CHST11: variants seen among roughly 807,000 people sequenced by gnomAD.
CHST11 encodes the protein C4S-1.
A neutral mutation model predicts 30.4 loss-of-function variants in CHST11; 9 were observed. That is an observed-to-expected ratio of 0.30 (90% CI 0.18 to 0.52). CHST11 has a LOEUF of 0.52. Among genes scored for constraint, CHST11 ranks in the 20% least tolerant of loss-of-function variants. The pLI is 0.97. For missense variants in CHST11, 348 were observed against 460.6 expected, an observed-to-expected ratio of 0.76 and a Z score of 2.24; for synonymous variants, 152 against 187.8, an observed-to-expected ratio of 0.81 and a Z score of 1.56.
chr12:104,553,209 G>A (rs766331593), intron 1 of CHST11: 1 of 152,352 alleles, frequency 6.6e-6, no homozygotes, highest in Non-Finnish European at 1.5e-5. Flanking sequence ...TGTTAGTTGT[G>A]ATGAAGAGGA....
chr12:104,462,644 T>G (rs536528403), intron 1 of CHST11, among the ~76,000 whole-genome samples: 52 of 152,294 alleles, frequency 3.4e-4, no homozygotes, highest in African/African-American at 1.2e-3. Context: ...GTTATACACC[T>G]GAAACTTCCA....
chr12:104,757,643 A>C lies in CHST11; in HGVS notation c.899A>C (p.Lys300Thr). 1.7e-5 allele frequency: 28 copies of C among 1,614,174 alleles called. No individual in the cohort carries two copies. The highest frequency in any genetic ancestry group is 2.4e-5 in the Non-Finnish European group (28 of 1,180,022). Reference sequence around the variant, plus strand: ...CTGGCAGGAGTGGGCAGCTACCTGAAGTTCCCCACCTATGCAAAGTCTACG... The same window carrying C: ...CTGGCAGGAGTGGGCAGCTACCTGACGTTCCCCACCTATGCAAAGTCTACG... ...LQLAGVGSYL[K>T]FPTYAKSTRT... is the part of the protein sequence containing the mutation. Residue 300 changes from lysine to threonine, a missense_variant, in exon 3 of 3, where the codon AAG becomes ACG. Physicochemically the swap from Lys to Thr is moderately conservative, Grantham distance 78. This residue lies in a region of CHST11 where 210 missense variants were observed against 287.2 expected (regional missense o/e 0.73). Coordinates refer to ENST00000303694, the MANE Select transcript of CHST11 (RefSeq NM_018413.6). This position sits in a 1 kb window ranked among gnomAD's most constrained non-coding sequence, Gnocchi z 6.5.
rs191657442 is a variant in CHST11, at chr12:104,540,744, A to T, written c.119-61162A>T. 5.3e-3 allele frequency among the ~76,000 whole-genome samples: 811 copies of T among 152,218 alleles called. 2 individuals are homozygous for T. Among genetic ancestry groups the T allele is most frequent in the Admixed American group, 8.8e-3 (134 of 15,304 alleles). ...AGCCACGGCTCCAATCTCTCTAATTACAAAATTAATGAGGGCTGGAGGCAA... is the reference window on the plus strand; with the variant it reads ...AGCCACGGCTCCAATCTCTCTAATTTCAAAATTAATGAGGGCTGGAGGCAA... On this transcript the variant is annotated intron_variant, in intron 1 of 2. Transcript: ENST00000303694.
chr12:104,564,040 C>T (rs1277380595), intron 1 of CHST11, among the ~76,000 whole-genome samples: 1 of 152,044 alleles, frequency 6.6e-6, no homozygotes, highest in African/African-American at 2.4e-5. Flanking sequence ...CCAGGAGCAT[C>T]GAGGATCAGG....
chr12:104,556,312 G>T (rs943982499), intron 1 of CHST11, among the ~76,000 whole-genome samples: 3 of 152,096 alleles, frequency 2.0e-5, no homozygotes, highest in Admixed American at 6.5e-5. Context: ...CCTTTTCCCA[G>T]CTAAGAGATT....
At chr12:104,482,677 C>A (rs77616821) in intron 1 of CHST11, among the ~76,000 whole-genome samples, 1 of 152,140 alleles carries the variant, frequency 6.6e-6, no homozygotes, top group South Asian at 2.1e-4. Context: ...CGGAGCTTCA[C>A]ACACATTGCC....
intron 2 of CHST11, among the ~76,000 whole-genome samples, chr12:104,738,321 T>C (rs2040318335): frequency 6.6e-6 from 1 of 152,122 alleles, no homozygotes; most frequent in Non-Finnish European, 1.5e-5. Flanking sequence ...GCACTCCCTG[T>C]TCCCCCACCC....
intron 1 of CHST11, among the ~76,000 whole-genome samples, chr12:104,541,821 G>A (rs1267804333): frequency 6.6e-6 from 1 of 152,172 alleles, no homozygotes; most frequent in African/African-American, 2.4e-5. Context: ...CCAGATACTC[G>A]GGAGGCTGAG....
intron 2 of CHST11, among the ~76,000 whole-genome samples, chr12:104,731,418 G>T (rs11112178): frequency 6.6e-6 from 1 of 152,266 alleles, no homozygotes; most frequent in Admixed American, 6.5e-5. Flanking sequence ...AGACCTAAGA[G>T]AGTAAGTCCT....
intron 1 of CHST11, among the ~76,000 whole-genome samples, chr12:104,586,442 C>A (rs1438633972): frequency 4.6e-5 from 7 of 152,194 alleles, no homozygotes; most frequent in Non-Finnish European, 1.5e-5. Context: ...GTGAGATTAT[C>A]CTGGGCAGAA....
At position 104,757,279 on chromosome 12, in the gene CHST11, T is replaced by C; in HGVS notation, c.535T>C (p.Tyr179His). 1.2e-6 allele frequency: 2 copies of C among 1,614,104 alleles called. No individual in the cohort carries two copies. Among genetic ancestry groups the C allele is most frequent in the Non-Finnish European group, 1.7e-6 (2 of 1,180,028 alleles). Reference protein sequence around the residue: ...IPEINHRLKSYMKFLFVREPF... With the variant: ...IPEINHRLKSHMKFLFVREPF... ...AGAAATCAACCACCGCTTGAAAAGC[T>C]ACATGAAGTTCCTGTTTGTCCGGGA... The change falls in exon 3 of 3, where the codon TAC becomes CAC. Residue 179 changes from tyrosine (Y) to histidine (H), a missense_variant. Transcript: ENST00000303694. This position sits in a 1 kb window ranked among gnomAD's most constrained non-coding sequence, Gnocchi z 6.5.
At chr12:104,612,270 G>A (rs2136054167) in intron 2 of CHST11, among the ~76,000 whole-genome samples, 1 of 152,192 alleles carries the variant, frequency 6.6e-6, no homozygotes, top group East Asian at 1.9e-4. Flanking sequence ...AGATCAAGGA[G>A]CCAGCAGGAT....
intron 2 of CHST11, among the ~76,000 whole-genome samples, chr12:104,661,457 C>T (rs188762771): frequency 3.3e-4 from 50 of 152,234 alleles, no homozygotes; most frequent in Non-Finnish European, 6.3e-4. Context: ...CACCTGTAGT[C>T]CCAGCAGCTT....
chr12:104,740,105 G>A (rs573660291), intron 2 of CHST11, among the ~76,000 whole-genome samples: 1 of 152,082 alleles, frequency 6.6e-6, no homozygotes, highest in Non-Finnish European at 1.5e-5. Flanking sequence ...GTTTTAGTAG[G>A]GTCACTGGCC....
At chr12:104,629,460 G>A (rs2039251393) in intron 2 of CHST11, among the ~76,000 whole-genome samples, 1 of 152,218 alleles carries the variant, frequency 6.6e-6, no homozygotes, top group African/African-American at 2.4e-5. Context: ...CCTCTTTAAA[G>A]TACAGATGCC....
chr12:104,515,790 G>A (rs1287428619), intron 1 of CHST11, among the ~76,000 whole-genome samples: 1 of 152,210 alleles, frequency 6.6e-6, no homozygotes, highest in Non-Finnish European at 1.5e-5. Flanking sequence ...GGTGGGGTGT[G>A]AGCCCTGAAC....
intron 1 of CHST11, among the ~76,000 whole-genome samples, chr12:104,476,956 G>A (rs1351028908): frequency 6.6e-6 from 1 of 152,038 alleles, no homozygotes; most frequent in Non-Finnish European, 1.5e-5. Flanking sequence ...ATGTCTGAAT[G>A]AATGAGCCAA....
intron 2 of CHST11, among the ~76,000 whole-genome samples, chr12:104,650,257 C>T (rs984490389): frequency 9.9e-5 from 15 of 152,206 alleles, no homozygotes; most frequent in African/African-American, 3.4e-4. Flanking sequence ...GGGGAGGTCA[C>T]AGGGTGGAGG....
intron 1 of CHST11, among the ~76,000 whole-genome samples, chr12:104,583,309 C>T (rs2038766561): frequency 6.6e-6 from 1 of 152,128 alleles, no homozygotes. Flanking sequence ...TTCTTTTTCC[C>T]CTCCTTGGGA....
Sources: gnomAD v4.1 joint callset for allele counts (sites outside exome capture counted in the v4.1 genomes callset) on GRCh38, gnomAD v4.1.1 for gene constraint, gnomAD v4.1.1 regional missense constraint, Gnocchi (gnomAD v3.1) non-coding constraint, MANE v1.5 for transcripts, NCBI Gene and HGNC (gene_info 2026-07-23, HGNC 2026-07-21) for gene names.